Variants in FILIP1L observed in about 807,000 individuals in gnomAD.
FILIP1L encodes the protein filamin A-interacting protein 1-like.
Under a neutral mutation model 96.6 loss-of-function variants are expected in FILIP1L, and 55 were observed. That is an observed-to-expected ratio of 0.57 (90% CI 0.46 to 0.71). The LOEUF (loss-of-function observed/expected upper bound fraction) is 0.71, where lower values mean the gene tolerates loss of function less well. Ranked by LOEUF, FILIP1L falls within the 30% of genes least tolerant of loss-of-function variation. The probability of loss-of-function intolerance (pLI) is 0.00; values close to 1 mark genes in which losing one functional copy is unlikely to be tolerated. For missense variants in FILIP1L, 1,304 were observed against 1,321.2 expected, an observed-to-expected ratio of 0.99 and a Z score of 0.20; for synonymous variants, 467 against 473.9, an observed-to-expected ratio of 0.99 and a Z score of 0.19.
Position 99,865,822 on chromosome 3 carries a change from T to G in FILIP1L, c.606-14752A>C, listed in dbSNP as rs1944485374. 3.3e-5 allele frequency among the ~76,000 whole-genome samples: 5 copies of G among 151,966 alleles called. No homozygotes were observed. The South Asian group carries it at 1.0e-3, about 32-fold the overall frequency. ...TTATCTTATTAAGAATATTTATATG[T>G]TTTTTTATTGCTCACAATCCATTTA... On this transcript the variant is annotated intron_variant, in intron 4 of 5. Transcript: ENST00000477258.
At chr3:99,854,026 G>C (rs1943836455) in intron 4 of FILIP1L, among the ~76,000 whole-genome samples, 1 of 152,210 alleles carries the variant, frequency 6.6e-6, no homozygotes, top group Non-Finnish European at 1.5e-5. Flanking sequence ...GGGAAAGACA[G>C]CTGGTTATGC....
In FILIP1L at chr3:100,065,960, C is replaced by A. The variant is rs141304961; in HGVS notation, c.-11+48093G>T. On this transcript the variant is annotated intron_variant, in intron 1 of 5. Transcript: ENST00000477258. ...TAAAGTATTAGGCCCCACACTGGAC[C>A]TTCTGAATCAGAAACTCTGGGAATG... Among the ~76,000 whole-genome samples, 705 of 152,290 alleles carry A rather than the reference C, an allele frequency of 4.6e-3. 2 individuals carry two copies. Among genetic ancestry groups the A allele is most frequent in the South Asian group, 7.1e-3 (34 of 4,822 alleles).
chr3:99,970,325 C>G (rs1287143122), intron 1 of FILIP1L, among the ~76,000 whole-genome samples: 1 of 152,232 alleles, frequency 6.6e-6, no homozygotes, highest in African/African-American at 2.4e-5. Context: ...CCACCTTACC[C>G]TCACTGCCCT....
At chr3:100,026,565 T>G (rs2064925945) in intron 1 of FILIP1L, among the ~76,000 whole-genome samples, 1 of 152,120 alleles carries the variant, frequency 6.6e-6, no homozygotes, top group Non-Finnish European at 1.5e-5. Context: ...TCTCCTGATT[T>G]TAAATGTTGG....
chr3:99,949,521 C>T (rs986895251), intron 1 of FILIP1L, among the ~76,000 whole-genome samples: 70 of 152,250 alleles, frequency 4.6e-4, no homozygotes, highest in African/African-American at 1.6e-3. Flanking sequence ...ACTCGCAGTA[C>T]GTTTTATCAG....
intron 1 of FILIP1L, among the ~76,000 whole-genome samples, chr3:100,047,324 A>G (rs571919274): frequency 6.6e-6 from 1 of 152,380 alleles, no homozygotes; most frequent in Admixed American, 6.5e-5. Flanking sequence ...CTTCCAAAGC[A>G]TATTTATTGA....
chr3:99,937,496 A>G (rs1707716503), intron 1 of FILIP1L, among the ~76,000 whole-genome samples: 1 of 152,254 alleles, frequency 6.6e-6, no homozygotes, highest in Non-Finnish European at 1.5e-5. Flanking sequence ...GTGGAATCAA[A>G]TAGAACTGGT....
intron 1 of FILIP1L, among the ~76,000 whole-genome samples, chr3:100,077,907 CA>C (rs975837604): frequency 8.6e-5 from 13 of 151,132 alleles, no homozygotes; most frequent in African/African-American, 3.2e-4. Flanking sequence ...GACCCTGTCT[CA>C]AAAAAAATAA....
chr3:99,928,961 C>T (rs2107660349), intron 3 of FILIP1L, among the ~76,000 whole-genome samples: 1 of 152,332 alleles, frequency 6.6e-6, no homozygotes, highest in South Asian at 2.1e-4. Context: ...AGTCTCTTCT[C>T]TCATGAGATA....
intron 4 of FILIP1L, 147 bp from the exon 5 acceptor site, chr3:99,851,217 A>T (rs1943681703): frequency 6.7e-6 from 4 of 600,618 alleles, no homozygotes; most frequent in Non-Finnish European, 1.1e-5. Context: ...CCTGAATTTG[A>T]TGACAGAGGA....
intron 1 of FILIP1L, among the ~76,000 whole-genome samples, chr3:99,968,791 C>T (rs1708728912): frequency 6.6e-6 from 1 of 152,078 alleles, no homozygotes; most frequent in African/African-American, 2.4e-5. Context: ...GGTGTCTCAT[C>T]AGAGAAGTTT....
At chr3:100,004,712 G>A (rs1709939664) in intron 1 of FILIP1L, among the ~76,000 whole-genome samples, 3 of 152,174 alleles carry the variant, frequency 2.0e-5, no homozygotes, top group Admixed American at 2.0e-4. Flanking sequence ...CTGGGACTAG[G>A]TAGTGATAAT....
chr3:99,849,745 G>A lies in FILIP1L; in HGVS notation c.1931C>T (p.Ala644Val), dbSNP rs531300295. The A allele has an allele frequency of 4.6e-5, 75 of 1,613,654 alleles. 2 individuals are homozygous for A. The South Asian group carries it at 6.8e-4, about 15-fold the overall frequency. ...TGTTTTCATGAGGTCATCCTCAATG[G>A]CTTTCATGTCCTTTAGCTTCAGTTT... ...RLKLKLKDMKAIEDDLMKTED... is the reference protein window; with the variant it reads ...RLKLKLKDMKVIEDDLMKTED... The change falls in exon 5 of 6, where the codon GCC (alanine) becomes GTC (valine). Residue 644 changes from alanine to valine, a missense_variant. By Grantham distance (64) the Ala-to-Val change is moderately conservative (BLOSUM62 0). Transcript: ENST00000477258.
intron 1 of FILIP1L, among the ~76,000 whole-genome samples, chr3:100,036,677 T>C (rs2065113591): frequency 6.6e-6 from 1 of 152,210 alleles, no homozygotes; most frequent in East Asian, 1.9e-4. Context: ...AACAATTTTT[T>C]AAAAGTTCAG....
chr3:99,999,397 G>A (rs1013606066), intron 1 of FILIP1L, among the ~76,000 whole-genome samples: 1 of 152,194 alleles, frequency 6.6e-6, no homozygotes, highest in East Asian at 1.9e-4. Context: ...AATAGTAGTT[G>A]TATTTTGGAT....
At chr3:100,106,609 C>G (rs1402495852) in intron 1 of FILIP1L, among the ~76,000 whole-genome samples, 3 of 152,150 alleles carry the variant, frequency 2.0e-5, no homozygotes, top group East Asian at 3.9e-4. Context: ...ATCATTTTCT[C>G]TAACTGTGTT....
intron 4 of FILIP1L, among the ~76,000 whole-genome samples, chr3:99,867,090 G>A (rs1008093754): frequency 2.6e-5 from 4 of 152,166 alleles, no homozygotes; most frequent in African/African-American, 7.2e-5. Context: ...AGATGAACAT[G>A]TTCTAGAGGA....
At chr3:99,871,952 T>TAAAGGA (rs1944809184) in intron 4 of FILIP1L, among the ~76,000 whole-genome samples, 1 of 152,226 alleles carries the variant, frequency 6.6e-6, no homozygotes, top group Non-Finnish European at 1.5e-5. Flanking sequence ...CTTTGCTTTT[T>TAAAGGA]TATTGCTTAT....
intron 5 of FILIP1L, among the ~76,000 whole-genome samples, chr3:99,833,656 A>G (rs1302971438): frequency 6.6e-6 from 1 of 152,264 alleles, no homozygotes; most frequent in African/African-American, 2.4e-5. Context: ...TGTATTGACA[A>G]CGTGTTGTGT....
Sources: gnomAD v4.1 joint callset for allele counts (sites outside exome capture counted in the v4.1 genomes callset) on GRCh38, gnomAD v4.1.1 for gene constraint, MANE v1.5 for transcripts, NCBI Gene and HGNC (gene_info 2026-07-23, HGNC 2026-07-21) for gene names.